THBS4: variants seen among roughly 807,000 people sequenced by gnomAD.
THBS4 encodes thrombospondin-4.
Under a neutral mutation model 115.7 loss-of-function variants are expected in THBS4, and 90 were observed. The observed-to-expected ratio is 0.78, with a 90% CI of 0.66 to 0.93. THBS4 has a LOEUF of 0.93. Ranked by LOEUF, THBS4 falls within the 40% of genes least tolerant of loss-of-function variation. The pLI is 0.00. For synonymous variants in THBS4, 460 were observed against 479.3 expected, an observed-to-expected ratio of 0.96 and a Z score of 0.53; for missense variants, 1,087 against 1,232.7, an observed-to-expected ratio of 0.88 and a Z score of 1.77.
Position 80,007,808 on chromosome 5 carries a change from G to A in THBS4, n.177+9381G>A, listed in dbSNP as rs531367793. 1.5e-3 allele frequency among the ~76,000 whole-genome samples: 230 copies of A among 152,296 alleles called. 1 individual carries two copies. Among genetic ancestry groups the A allele is most frequent in the African/African-American group, 5.3e-3 (219 of 41,556 alleles). ...GTGCTCTGAAATATCATTGTTTGGG[G>A]CATTATTGTCACTTTTCTTCTACTG... On this transcript the variant is annotated intron_variant and non_coding_transcript_variant, in intron 2 of 3. Transcript: ENST00000510218.
At chr5:80,065,576 G>A in intron 9 of THBS4, 99 bp downstream of exon 9, 1 of 1,071,654 alleles carries the variant, frequency 9.3e-7, no homozygotes, top group Non-Finnish European at 1.3e-6. Flanking sequence ...TAGAACATGT[G>A]GGCATAATAT....
rs56296474 is a variant in THBS4, at chr5:80,054,318, CTTT to C, written c.293-1449_293-1447del. ...ACAAGTATGTGCCACCACACCTGGC[CTTT>C]TTTTTTTTTTTTTTTTTGAAATGGA... On this transcript the variant is annotated intron_variant, in intron 2 of 21. Transcript: ENST00000350881. Among the ~76,000 whole-genome samples, 115 of 123,924 alleles carry C rather than the reference CTTT, an allele frequency of 9.3e-4. 2 individuals are homozygous for C. Among genetic ancestry groups the C allele is most frequent in the Admixed American group, 1.5e-3 (18 of 11,958 alleles). 81.3% of individuals were successfully genotyped at this position (123,924 alleles called of 152,430 possible). A position where few individuals can be genotyped will look rare whatever the true frequency, so the allele number is the denominator to read the frequency against.
Position 80,079,941 on chromosome 5 carries a change from C to T in THBS4, c.2548C>T (p.Arg850Trp), listed in dbSNP as rs752570462. ...KSKTGPGEHL[R>W]NSLWHTGDTS... ...TAAGACAGGTCCAGGGGAGCATCTCCGGAACTCCCTGTGGCACACGGGGGA... is the reference window on the plus strand; with the variant it reads ...TAAGACAGGTCCAGGGGAGCATCTCTGGAACTCCCTGTGGCACACGGGGGA... The change falls in exon 20 of 22, where the codon CGG (arginine) becomes TGG (tryptophan). Residue 850 changes from arginine to tryptophan, a missense_variant. Coordinates refer to ENST00000350881, the MANE Select transcript of THBS4 (RefSeq NM_003248.6). 2.0e-5 allele frequency: 33 copies of T among 1,613,964 alleles called. No homozygotes were observed. Among genetic ancestry groups the T allele is most frequent in the Admixed American group, 1.3e-4 (8 of 59,996 alleles).
At chr5:80,058,527 G>C (rs909325112) in intron 4 of THBS4, among the ~76,000 whole-genome samples, 181 bp from the exon 5 acceptor site, 2 of 150,688 alleles carry the variant, frequency 1.3e-5, no homozygotes, top group Non-Finnish European at 3.0e-5. Flanking sequence ...GACTTAGTCA[G>C]TGGCATCATT....
rs753997904 is a variant in THBS4 at position 80,059,753 on chromosome 5, C to G, written c.835C>G (p.Pro279Ala). 3 of 1,614,030 alleles carry G rather than the reference C, an allele frequency of 1.9e-6. No homozygotes were observed. Among genetic ancestry groups the G allele is most frequent in the South Asian group, 2.2e-5 (2 of 91,082 alleles). Residue 279 changes from proline (P) to alanine (A), a missense_variant, in exon 7 of 22, where the codon CCC (proline) becomes GCC (alanine). Physicochemically the swap from Pro to Ala is conservative, Grantham distance 27. Coordinates refer to ENST00000350881, the MANE Select transcript of THBS4 (RefSeq NM_003248.6). Reference protein sequence around the residue: ...PTPSTVVPPAPPAPPTRPPRR... With the variant: ...PTPSTVVPPAAPAPPTRPPRR... ...CCCAAGCACGGTGGTGCCCCCGGCTCCCCCTGCACCGCCAACACGCCCACC... is the reference window on the plus strand; with the variant it reads ...CCCAAGCACGGTGGTGCCCCCGGCTGCCCCTGCACCGCCAACACGCCCACC...
chr5:80,080,242 G>A (rs1030474128), intron 20 of THBS4, 165 bp downstream of exon 20: 1 of 839,552 alleles, frequency 1.2e-6, no homozygotes, highest in Non-Finnish European at 1.8e-6. Flanking sequence ...AGAGGTGGGA[G>A]AGAAGATATT....
Position 80,082,396 on chromosome 5 carries a change from T to C in THBS4, c.2685-10T>C, listed in dbSNP as rs1269771298. On this transcript the variant is annotated splice_polypyrimidine_tract_variant and intron_variant, in intron 20 of 21. Coordinates refer to ENST00000350881, the MANE Select transcript of THBS4 (RefSeq NM_003248.6). ...TTTCATGGAGGCCCCTCCGGCCGTG[T>C]TGTCCGCAGGGTACGATTTTATGAA... The C allele has an allele frequency of 3.1e-6, 5 of 1,613,260 alleles. No homozygotes were observed. The highest frequency in any genetic ancestry group is 3.3e-4 in the Middle Eastern group (2 of 6,034).
intron 20 of THBS4, among the ~76,000 whole-genome samples, chr5:80,080,476 G>A (rs1743431073): frequency 1.4e-5 from 2 of 141,750 alleles, no homozygotes. Context: ...TGGGCCCTGT[G>A]TAATCACTTA....
rs890180210 is a variant in THBS4, at chr5:80,067,229, T to G, written c.1195-744T>G. ...TTGATGGATGTGTTACTTAACTGAC[T>G]GTGGTAATCATTTCACAATGTATAC... On this transcript the variant is annotated intron_variant, in intron 9 of 21. Transcript: ENST00000350881. 10 of 151,688 alleles carry G rather than the reference T, an allele frequency of 6.6e-5. 1 individual carries two copies. The highest frequency in any genetic ancestry group is 2.4e-4 in the African/African-American group (10 of 41,246). The allele number at this position is 151,688 out of a possible 1,614,324, so 9.4% of individuals were successfully genotyped here.
intron 1 of THBS4, among the ~76,000 whole-genome samples, chr5:79,992,788 A>G (rs1254737912): frequency 6.6e-6 from 1 of 152,246 alleles, no homozygotes; most frequent in Non-Finnish European, 1.5e-5. Context: ...TAAGCAAAAT[A>G]CTACAGAAAC....
chr5:80,066,567 C>A (rs561493548), intron 9 of THBS4: 1 of 152,174 alleles, frequency 6.6e-6, no homozygotes, highest in Non-Finnish European at 1.5e-5. Context: ...GTGATCGCCA[C>A]TGCACTCTAA....
chr5:80,043,079 G>A (rs997982263), intron 2 of THBS4, among the ~76,000 whole-genome samples: 2 of 152,194 alleles, frequency 1.3e-5, no homozygotes, highest in African/African-American at 2.4e-5. Flanking sequence ...ATTGTTCTTA[G>A]AAACTGTGGG....
chr5:80,036,123 G>C (rs1014759287), intron 1 of THBS4: 2 of 985,876 alleles, frequency 2.0e-6, no homozygotes, highest in Non-Finnish European at 2.4e-6. Flanking sequence ...GACTTTGCTT[G>C]AACGACAAAA....
At chr5:80,069,953 C>T (rs1039502053) in intron 10 of THBS4, among the ~76,000 whole-genome samples, 1 of 152,204 alleles carries the variant, frequency 6.6e-6, no homozygotes, top group African/African-American at 2.4e-5. Flanking sequence ...CAGACTCTCT[C>T]CCTCTTCCTT....
At chr5:79,991,335 T>C (rs1831666802) in exon 1 of THBS4, 1 of 1,131,216 alleles carries the variant, frequency 8.8e-7, no homozygotes. Context: ...GAAGGGTAAT[T>C]TGGGGGCTCT....
Position 80,082,506 on chromosome 5 carries a change from G to A in THBS4, c.2785G>A (p.Glu929Lys). 6.2e-7 allele frequency: 1 copy of A among 1,614,184 alleles called. No individual in the cohort carries two copies. The highest frequency in any genetic ancestry group is 8.5e-7 in the Non-Finnish European group (1 of 1,180,034). The change falls in exon 21 of 22, where the codon GAA becomes AAA. Residue 929 changes from glutamate (E) to lysine (K), a missense_variant. Glu to Lys is a moderately conservative substitution (Grantham distance 56). Transcript: ENST00000350881. ...ACTTGGCGTTTTCTGCTTCTCTCAAGAAAACATCATCTGGTCCAACCTCAA... is the reference window on the plus strand; with the variant it reads ...ACTTGGCGTTTTCTGCTTCTCTCAAAAAAACATCATCTGGTCCAACCTCAA... ...GRLGVFCFSQ[E>K]NIIWSNLKYR...
At chr5:80,059,367 C>A in intron 5 of THBS4, 73 bp from the exon 6 acceptor site, 16 of 1,400,904 alleles carry the variant, frequency 1.1e-5, no homozygotes, top group Non-Finnish European at 1.4e-5. Flanking sequence ...GATAGCTCCA[C>A]ATGGATTCTT....
chr5:80,038,526 T>C (rs1832789619), intron 1 of THBS4, among the ~76,000 whole-genome samples: 1 of 152,150 alleles, frequency 6.6e-6, no homozygotes, highest in East Asian at 1.9e-4. Flanking sequence ...ACAGGATGGT[T>C]TGGGATGAGT....
intron 2 of THBS4, among the ~76,000 whole-genome samples, chr5:80,041,227 TGA>T (rs894277617): frequency 7.2e-5 from 11 of 152,328 alleles, no homozygotes; most frequent in Admixed American, 7.2e-4. Flanking sequence ...CCTCACATGA[TGA>T]AGACAGACAG....
Sources: allele counts gnomAD v4.1 joint callset (sites outside exome capture counted in the v4.1 genomes callset), GRCh38; gene constraint gnomAD v4.1.1; transcripts MANE v1.5; gene names NCBI Gene and HGNC (gene_info 2026-07-23, HGNC 2026-07-21).